Variants in SYNJ2 observed in about 807,000 individuals in gnomAD.
SYNJ2 encodes the protein synaptojanin 2.
SYNJ2 carries 116 observed loss-of-function variants against 141.3 expected under a neutral mutation model. That is an observed-to-expected ratio of 0.82 (90% CI 0.71 to 0.96). The LOEUF (loss-of-function observed/expected upper bound fraction) is 0.96, where lower values mean the gene tolerates loss of function less well. Among genes scored for constraint, SYNJ2 ranks in the 40% least tolerant of loss-of-function variants. The probability of loss-of-function intolerance (pLI) is 0.00; values close to 1 mark genes in which losing one functional copy is unlikely to be tolerated. For synonymous variants in SYNJ2, 745 were observed against 777.7 expected (o/e 0.96, Z 0.70); for missense variants, 1,873 against 1,934.8 (o/e 0.97, Z 0.60).
Position 157,990,646 on chromosome 6 carries a change from G to A in SYNJ2, c.127+8558G>A, listed in dbSNP as rs139158052. ...GAGGACCGGGCTGCTCCAGGCTCCCGGCAAGATGTAGCAAAATGGCCAAAT... is the reference window on the plus strand; with the variant it reads ...GAGGACCGGGCTGCTCCAGGCTCCCAGCAAGATGTAGCAAAATGGCCAAAT... On this transcript the variant is annotated intron_variant, in intron 1 of 26. Coordinates refer to ENST00000355585, the MANE Select transcript of SYNJ2 (RefSeq NM_003898.4). 1.4e-4 allele frequency among the ~76,000 whole-genome samples: 21 copies of A among 152,296 alleles called. No individual in the cohort carries two copies. The East Asian group carries it at 1.7e-3, about 13-fold the overall frequency.
chr6:158,000,827 G>T (rs1777821628), intron 1 of SYNJ2, among the ~76,000 whole-genome samples: 1 of 152,148 alleles, frequency 6.6e-6, no homozygotes, highest in South Asian at 2.1e-4. Context: ...GGGAGTGATG[G>T]TGGAGGCGGG....
intron 18 of SYNJ2, among the ~76,000 whole-genome samples, chr6:158,080,150 T>C (rs1170820033): frequency 6.6e-6 from 1 of 152,214 alleles, no homozygotes; most frequent in Non-Finnish European, 1.5e-5. Context: ...GGGTATTATA[T>C]GAAGGTATCA....
chr6:158,074,923 CTTTTTTTTTTT>C (rs66487650), intron 16 of SYNJ2, among the ~76,000 whole-genome samples, 185 bp downstream of exon 16: 9 of 144,314 alleles, frequency 6.2e-5, no homozygotes, highest in South Asian at 2.2e-4. Flanking sequence ...ACTTCCTGTC[CTTTTTTTTTTT>C]TTTTTTTTTT....
chr6:157,991,777 T>A (rs1412012204), intron 1 of SYNJ2, among the ~76,000 whole-genome samples: 3 of 152,236 alleles, frequency 2.0e-5, no homozygotes, highest in Non-Finnish European at 4.4e-5. Flanking sequence ...AATCTGATGC[T>A]CTGCATTTTT....
At chr6:158,059,396 G>A in intron 7 of SYNJ2, 43 bp downstream of exon 7, 3 of 1,545,440 alleles carry the variant, frequency 1.9e-6, no homozygotes, top group Non-Finnish European at 2.6e-6. Flanking sequence ...TGGGCGGCAG[G>A]TGGCCATGGT....
intron 5 of SYNJ2, among the ~76,000 whole-genome samples, chr6:158,052,568 G>A (rs1780631462): frequency 6.6e-6 from 1 of 152,286 alleles, no homozygotes; most frequent in South Asian, 2.1e-4. Context: ...GTCATATGAC[G>A]AGGGAGGGAG....
At chr6:158,093,477 C>T (rs975312137) in intron 26 of SYNJ2, among the ~76,000 whole-genome samples, 3 of 151,876 alleles carry the variant, frequency 2.0e-5, no homozygotes, top group African/African-American at 7.3e-5. Context: ...ATTTGCGTCT[C>T]ACAGATAAAA....
chr6:157,992,953 G>C (rs1212588260), intron 1 of SYNJ2, among the ~76,000 whole-genome samples: 1 of 151,238 alleles, frequency 6.6e-6, no homozygotes, highest in East Asian at 2.0e-4. Flanking sequence ...CTTTTGGGTA[G>C]ATACCCAGCA....
rs773898136 is a variant in SYNJ2, at chr6:158,070,690, G to A, written c.1941-912G>A. ...CATCCCCCCAACCTTGTCTGCCAGCGAGCAGATGCACCAGCAGGCCTCAGT... is the reference window on the plus strand; with the variant it reads ...CATCCCCCCAACCTTGTCTGCCAGCAAGCAGATGCACCAGCAGGCCTCAGT... On this transcript the variant is annotated intron_variant, in intron 14 of 26. Transcript: ENST00000355585. This position sits in a 1 kb window ranked among gnomAD's most constrained non-coding sequence, Gnocchi z 4.0. Among the ~76,000 whole-genome samples the A allele has an allele frequency of 5.3e-5, 8 of 152,038 alleles. No individual in the cohort carries two copies. The highest frequency in any genetic ancestry group is 1.3e-4 in the Admixed American group (2 of 15,264).
chr6:158,051,593 A>G (rs1438596239), intron 5 of SYNJ2, among the ~76,000 whole-genome samples: 1 of 151,846 alleles, frequency 6.6e-6, no homozygotes, highest in Admixed American at 6.6e-5. Flanking sequence ...CACTCACTTC[A>G]CTTGTGACCA....
chr6:157,992,922 T>C (rs541938802), intron 1 of SYNJ2, among the ~76,000 whole-genome samples: 1 of 152,324 alleles, frequency 6.6e-6, no homozygotes, highest in African/African-American at 2.4e-5. Flanking sequence ...CAGACATCTG[T>C]TTGATATACT....
Position 158,078,166 on chromosome 6 carries a change from G to A in SYNJ2, c.2452G>A (p.Gly818Arg). Residue 818 changes from glycine to arginine, a missense_variant and splice_region_variant, in exon 18 of 27, where the codon GGA becomes AGA. By Grantham distance (125) the Gly-to-Arg change is moderately radical. Transcript: ENST00000355585. ...RKKHPFDKTA[G>R]ELNLLDSDLD... ...TCGAATGGAACCCCTGCGAGTAGCTGGAGAACTCAACCTTCTAGACAGTGA... is the reference window on the plus strand; with the variant it reads ...TCGAATGGAACCCCTGCGAGTAGCTAGAGAACTCAACCTTCTAGACAGTGA... 1.9e-6 allele frequency: 3 copies of A among 1,607,518 alleles called. No individual in the cohort carries two copies. The highest frequency in any genetic ancestry group is 2.6e-6 in the Non-Finnish European group (3 of 1,174,390).
At chr6:157,984,680 A>C (rs9459030) in intron 1 of SYNJ2, among the ~76,000 whole-genome samples, 9,230 of 152,334 alleles carry the variant, frequency 0.061, 354 homozygotes, top group African/African-American at 0.11. Context: ...CTAGGATTAC[A>C]GGCGTGAGCC....
intron 7 of SYNJ2, among the ~76,000 whole-genome samples, chr6:158,061,082 C>A (rs750543559): frequency 6.6e-6 from 1 of 152,264 alleles, no homozygotes; most frequent in Non-Finnish European, 1.5e-5. Context: ...CACAGCAAGA[C>A]TTGCTTGATG....
At chr6:158,005,795 C>A (rs1020417613) in intron 1 of SYNJ2, among the ~76,000 whole-genome samples, 1 of 152,034 alleles carries the variant, frequency 6.6e-6, no homozygotes, top group Non-Finnish European at 1.5e-5. Context: ...CTGATGGCCT[C>A]GTCCTCTCAT....
intron 6 of SYNJ2, among the ~76,000 whole-genome samples, chr6:158,055,601 G>A (rs1780823214): frequency 6.6e-6 from 1 of 151,706 alleles, no homozygotes; most frequent in African/African-American, 2.4e-5. Flanking sequence ...GAAAAGCAGA[G>A]CTATTTGTAA....
rs1423761594 is a variant in SYNJ2 at position 158,005,251 on chromosome 6, G to A, written c.128-11953G>A. Reference sequence around the variant, plus strand: ...CGCAACGACGCCCGGCTAATTTTTTGTATTTTTAATAGAGATGGGGTTTCA... The same window carrying A: ...CGCAACGACGCCCGGCTAATTTTTTATATTTTTAATAGAGATGGGGTTTCA... On this transcript the variant is annotated intron_variant, in intron 1 of 26. Coordinates refer to ENST00000355585, the MANE Select transcript of SYNJ2 (RefSeq NM_003898.4). Among the ~76,000 whole-genome samples the A allele has an allele frequency of 6.6e-5, 10 of 152,052 alleles. No individual in the cohort carries two copies. In the East Asian group the frequency reaches 1.4e-3, roughly 21 times the overall value.
chr6:157,990,566 G>C (rs1777383526), intron 1 of SYNJ2, among the ~76,000 whole-genome samples: 1 of 152,214 alleles, frequency 6.6e-6, no homozygotes. Flanking sequence ...CGTTGGTGTG[G>C]GACTTGGGTT....
At position 158,086,922 on chromosome 6, in the gene SYNJ2, G is replaced by T; in HGVS notation, c.3276G>T (p.Pro1092=). 1 of 1,609,224 alleles carries T rather than the reference G, an allele frequency of 6.2e-7. No homozygotes were observed. The highest frequency in any genetic ancestry group is 8.5e-7 in the Non-Finnish European group (1 of 1,180,000). The change falls in exon 23 of 27, where the codon CCG becomes CCT. Residue 1092 remains proline, a synonymous_variant. Transcript: ENST00000355585. The part of the protein sequence containing the change: ...EAVGEFRHRS[P]SRSLSVPNRP... ...TCGGGGAGTTCCGCCACCGTTCTCC[G>T]AGCAGGTCTCTGTCGGTCCCCAACC... is the stretch of plus-strand genomic sequence containing the variant.
Sources: gnomAD v4.1 joint callset for allele counts (sites outside exome capture counted in the v4.1 genomes callset) on GRCh38, gnomAD v4.1.1 for gene constraint, Gnocchi (gnomAD v3.1) non-coding constraint, MANE v1.5 for transcripts, NCBI Gene and HGNC (gene_info 2026-07-23, HGNC 2026-07-21) for gene names.